The following CNTN5 variants were observed in gnomAD, a reference collection of about 807,000 sequenced individuals.
CNTN5 encodes the protein contactin 5.
In CNTN5, 77 loss-of-function variants were observed where a neutral mutation model predicts 129.1. That is an observed-to-expected ratio of 0.60 (90% CI 0.50 to 0.72). The LOEUF is 0.72. Ranked by LOEUF, CNTN5 falls within the 30% of genes least tolerant of loss-of-function variation. The pLI is 0.00. For missense variants in CNTN5, 1,478 were observed against 1,328.8 expected, an observed-to-expected ratio of 1.11 and a Z score of -1.75; for synonymous variants, 509 against 465.6, an observed-to-expected ratio of 1.09 and a Z score of -1.20.
At chr11:99,064,857 T>C (rs1737089212) in intron 1 of CNTN5, among the ~76,000 whole-genome samples, 1 of 152,044 alleles carries the variant, frequency 6.6e-6, no homozygotes, top group African/African-American at 2.4e-5. Flanking sequence ...TTATTAAAAA[T>C]TACCTTACAA....
chr11:99,783,163 A>G (rs1292463203), intron 3 of CNTN5, among the ~76,000 whole-genome samples: 1 of 86,408 alleles, frequency 1.2e-5, no homozygotes, highest in East Asian at 4.0e-4. Context: ...GGCGAAGGAC[A>G]TGAACAGACA....
chr11:99,616,146 A>G (rs1950754177), intron 3 of CNTN5, among the ~76,000 whole-genome samples: 1 of 152,226 alleles, frequency 6.6e-6, no homozygotes, highest in South Asian at 2.1e-4. Flanking sequence ...AAGTCAAAAT[A>G]TAGAATTATT....
At chr11:99,613,806 A>T (rs1241012146) in intron 3 of CNTN5, among the ~76,000 whole-genome samples, 1 of 152,206 alleles carries the variant, frequency 6.6e-6, no homozygotes, top group Non-Finnish European at 1.5e-5. Flanking sequence ...AGTTTGTCAG[A>T]TGAAATAAAA....
At chr11:99,163,317 G>T (rs1250218495) in intron 1 of CNTN5, among the ~76,000 whole-genome samples, 3 of 151,902 alleles carry the variant, frequency 2.0e-5, no homozygotes, top group African/African-American at 4.8e-5. Context: ...AAAACAAAAA[G>T]TTTTCTAAGG....
chr11:99,883,909 C>A (rs1455370655), intron 6 of CNTN5, among the ~76,000 whole-genome samples: 1 of 152,220 alleles, frequency 6.6e-6, no homozygotes, highest in Non-Finnish European at 1.5e-5. Context: ...TTCTGCAACT[C>A]ATACTTTTCC....
At chr11:99,792,417 C>G (rs543572698) in intron 3 of CNTN5, among the ~76,000 whole-genome samples, 1 of 151,878 alleles carries the variant, frequency 6.6e-6, no homozygotes, top group Non-Finnish European at 1.5e-5. Context: ...TATGTTGAAC[C>G]CACCTTACTT....
chr11:99,237,928 A>C (rs1327670385), intron 1 of CNTN5, among the ~76,000 whole-genome samples: 1 of 152,100 alleles, frequency 6.6e-6, no homozygotes, highest in African/African-American at 2.4e-5. Context: ...TTTATTCACT[A>C]TTTTGTTTAC....
At chr11:99,309,234 T>C (rs1189716516) in intron 1 of CNTN5, among the ~76,000 whole-genome samples, 1 of 151,626 alleles carries the variant, frequency 6.6e-6, no homozygotes, top group Non-Finnish European at 1.5e-5. Flanking sequence ...TTTTTTTTTT[T>C]TTGTATTCTG....
intron 13 of CNTN5, among the ~76,000 whole-genome samples, chr11:100,096,285 A>G (rs1945006013): frequency 6.6e-6 from 1 of 152,112 alleles, no homozygotes; most frequent in African/African-American, 2.4e-5. Context: ...CATTTTAAGA[A>G]GGGGAGGATA....
intron 1 of CNTN5, among the ~76,000 whole-genome samples, chr11:99,132,101 A>AAATC (rs1015264420): frequency 5.1e-4 from 77 of 152,196 alleles, no homozygotes; most frequent in African/African-American, 1.9e-3. Context: ...CAACATACGC[A>AAATC]AATCAGTAAG....
intron 20 of CNTN5, among the ~76,000 whole-genome samples, chr11:100,300,822 T>G (rs1187809379): frequency 1.3e-5 from 2 of 151,638 alleles, no homozygotes; most frequent in African/African-American, 4.8e-5. Context: ...AGATTTCTGA[T>G]GTGTTTTCAG....
chr11:99,311,815 A>G (rs1865127755), intron 1 of CNTN5, among the ~76,000 whole-genome samples: 1 of 152,214 alleles, frequency 6.6e-6, no homozygotes, highest in Admixed American at 6.5e-5. Flanking sequence ...TCTAGCACCT[A>G]TAGCTCTTTG....
intron 2 of CNTN5, among the ~76,000 whole-genome samples, chr11:99,407,706 G>A (rs898364815): frequency 1.3e-5 from 2 of 152,174 alleles, no homozygotes; most frequent in Non-Finnish European, 2.9e-5. Flanking sequence ...CCTTTAGCTT[G>A]TAGTGGCAAG....
intron 1 of CNTN5, among the ~76,000 whole-genome samples, chr11:99,284,617 GT>G (rs1863847016): frequency 1.1e-5 from 1 of 88,208 alleles, no homozygotes; most frequent in Non-Finnish European, 2.3e-5. Context: ...GTGTGTGTGT[GT>G]GTGTGTGTGT....
At chr11:99,058,751 G>T (rs1354524882) in intron 1 of CNTN5, among the ~76,000 whole-genome samples, 2 of 151,490 alleles carry the variant, frequency 1.3e-5, no homozygotes, top group Non-Finnish European at 2.9e-5. Context: ...ATTAATCAAA[G>T]ACTGGCACTC....
At chr11:99,427,817 A>G (rs967264941) in intron 2 of CNTN5, among the ~76,000 whole-genome samples, 1 of 151,422 alleles carries the variant, frequency 6.6e-6, no homozygotes, top group African/African-American at 2.4e-5. Context: ...TAATTCTATT[A>G]AGAACAAATG....
chr11:99,121,917 T>A (rs1220318127), intron 1 of CNTN5, among the ~76,000 whole-genome samples: 1 of 151,972 alleles, frequency 6.6e-6, no homozygotes, highest in Non-Finnish European at 1.5e-5. Flanking sequence ...TTTTCCTAGA[T>A]GACCATATTT....
intron 1 of CNTN5, among the ~76,000 whole-genome samples, chr11:99,188,359 C>T (rs545139488): frequency 6.6e-6 from 1 of 151,822 alleles, no homozygotes; most frequent in South Asian, 2.1e-4. Context: ...GTGTCCAAGT[C>T]CCTTTCCAAT....
At chr11:99,994,886 C>T (rs1453199739) in intron 8 of CNTN5, among the ~76,000 whole-genome samples, 3 of 152,004 alleles carry the variant, frequency 2.0e-5, no homozygotes, top group East Asian at 3.9e-4. Context: ...CTAGTAGAGA[C>T]ACCATGGGGA....
Sources: gnomAD v4.1 joint callset for allele counts (sites outside exome capture counted in the v4.1 genomes callset) on GRCh38, gnomAD v4.1.1 for gene constraint, MANE v1.5 for transcripts, NCBI Gene and HGNC (gene_info 2026-07-23, HGNC 2026-07-21) for gene names.